The following PTGIS variants were observed in gnomAD, a reference collection of about 807,000 sequenced individuals.
PTGIS encodes the protein prostaglandin I2 synthase.
In PTGIS, 45 loss-of-function variants were observed where a neutral mutation model predicts 50.3. The ratio of observed to expected loss-of-function variants is 0.90; its 90% CI spans 0.70 to 1.15. The LOEUF is 1.15. PTGIS is among the 50% of genes most tolerant of loss of function. PTGIS has a pLI of 0.00. For missense variants in PTGIS, 668 were observed against 661.3 expected (o/e 1.01, Z -0.11); for synonymous variants, 260 against 267.7 (o/e 0.97, Z 0.28).
chr20:49,566,677 C>T (rs1303707907), intron 1 of PTGIS, among the ~76,000 whole-genome samples: 4 of 152,204 alleles, frequency 2.6e-5, no homozygotes, highest in East Asian at 1.9e-4. Context: ...CTCTCTCTTA[C>T]GTGGCTCTGT....
chr20:49,510,419 T>A (rs187211969), intron 9 of PTGIS, among the ~76,000 whole-genome samples: 2 of 152,180 alleles, frequency 1.3e-5, no homozygotes, highest in African/African-American at 4.8e-5. Flanking sequence ...AAAGATCCAA[T>A]TCATTTATCC....
chr20:49,538,831 G>A (rs929531190), intron 5 of PTGIS, among the ~76,000 whole-genome samples: 8 of 152,018 alleles, frequency 5.3e-5, no homozygotes, highest in Middle Eastern at 3.4e-3. Flanking sequence ...GCAGGCACCC[G>A]CCACCATGCC....
rs1448291455 is a variant in PTGIS, at chr20:49,550,141, C to T, written c.123G>A (p.Gly41=). ...PLDLGSIPWL[G]YALDFGKDAA... Reference sequence around the variant, plus strand: ...CATCTTTTCCAAAGTCCAAGGCATACCCCAACCAGGGGATGCTGCCCAGGT... The same window carrying T: ...CATCTTTTCCAAAGTCCAAGGCATATCCCAACCAGGGGATGCTGCCCAGGT... Residue 41 remains glycine, a synonymous_variant, in exon 2 of 10, where the codon GGG becomes GGA. Coordinates refer to ENST00000244043, the MANE Select transcript of PTGIS (RefSeq NM_000961.4). 1.2e-6 allele frequency: 2 copies of T among 1,614,096 alleles called. No individual in the cohort carries two copies. The highest frequency in any genetic ancestry group is 1.7e-4 in the Middle Eastern group (1 of 6,004).
At chr20:49,541,907 G>C (rs11086288) in intron 4 of PTGIS, among the ~76,000 whole-genome samples, 5,997 of 152,188 alleles carry the variant, frequency 0.039, 368 homozygotes, top group African/African-American at 0.13. Context: ...GGCGGCGCTA[G>C]AGCCACAAAG....
At chr20:49,510,404 C>A (rs1981281758) in intron 9 of PTGIS, among the ~76,000 whole-genome samples, 1 of 152,110 alleles carries the variant, frequency 6.6e-6, no homozygotes, top group Non-Finnish European at 1.5e-5. Context: ...GGGTTAAGAA[C>A]TTAGAAAGAT....
intron 1 of PTGIS, among the ~76,000 whole-genome samples, chr20:49,563,505 T>C (rs1982826247): frequency 6.6e-6 from 1 of 152,232 alleles, no homozygotes. Flanking sequence ...TAGGGAGTAG[T>C]GGGGACTGTG....
Position 49,540,468 on chromosome 20 carries a change from T to C in PTGIS, c.522-747A>G, listed in dbSNP as rs1051366808. ...TGGTGCAGGCACTGGAGCCGGGGTGTGAGGCAGAGGATGGGAGGGCCTGGG... is the reference window on the plus strand; with the variant it reads ...TGGTGCAGGCACTGGAGCCGGGGTGCGAGGCAGAGGATGGGAGGGCCTGGG... On this transcript the variant is annotated intron_variant, in intron 4 of 9. Transcript: ENST00000244043. The surrounding 1 kb of genome is among the most constrained non-coding windows in gnomAD (Gnocchi z 4.8). Among the ~76,000 whole-genome samples the C allele has an allele frequency of 6.6e-6, 1 of 151,764 alleles. No homozygotes were observed. The highest frequency in any genetic ancestry group is 1.5e-5 in the Non-Finnish European group (1 of 67,914).
Position 49,540,746 on chromosome 20 carries a change from C to T in PTGIS, c.522-1025G>A, listed in dbSNP as rs1472902924. ...GCCCCCTTTAAATGCCCCAGGAGTCCAGCCCCAGCCCAGCGGGCTGACCTC... is the reference window on the plus strand; with the variant it reads ...GCCCCCTTTAAATGCCCCAGGAGTCTAGCCCCAGCCCAGCGGGCTGACCTC... On this transcript the variant is annotated intron_variant, in intron 4 of 9. Coordinates refer to ENST00000244043, the MANE Select transcript of PTGIS (RefSeq NM_000961.4). The surrounding 1 kb of genome is among the most constrained non-coding windows in gnomAD (Gnocchi z 4.8). Among the ~76,000 whole-genome samples the T allele has an allele frequency of 6.6e-6, 1 of 152,182 alleles. No homozygotes were observed. Among genetic ancestry groups the T allele is most frequent in the Non-Finnish European group, 1.5e-5 (1 of 68,020 alleles).
chr20:49,549,793 G>A (rs984357772), intron 2 of PTGIS, among the ~76,000 whole-genome samples: 1 of 152,154 alleles, frequency 6.6e-6, no homozygotes, highest in South Asian at 2.1e-4. Context: ...GAGGTCAGCT[G>A]CATGGATATA....
At chr20:49,549,415 G>A (rs1225545588) in intron 2 of PTGIS, among the ~76,000 whole-genome samples, 1 of 152,170 alleles carries the variant, frequency 6.6e-6, no homozygotes, top group East Asian at 1.9e-4. Context: ...AAAAAGTTTA[G>A]TACCAACACA....
intron 1 of PTGIS, among the ~76,000 whole-genome samples, chr20:49,550,737 A>G (rs1982485935): frequency 6.6e-6 from 1 of 152,168 alleles, no homozygotes. Flanking sequence ...ACAATTTGAG[A>G]GCTAAGTTTT....
intron 6 of PTGIS, among the ~76,000 whole-genome samples, chr20:49,517,758 G>C (rs1981525990): frequency 6.6e-6 from 1 of 152,200 alleles, no homozygotes; most frequent in Non-Finnish European, 1.5e-5. Flanking sequence ...CCCATCAGTG[G>C]AAGTGGGGGA....
intron 1 of PTGIS, among the ~76,000 whole-genome samples, chr20:49,564,897 C>T (rs1982857007): frequency 1.3e-5 from 2 of 151,576 alleles, no homozygotes; most frequent in South Asian, 4.2e-4. Flanking sequence ...AGCTGGAGAG[C>T]CTTGCTTATT....
At chr20:49,531,049 G>A (rs1205408904) in intron 5 of PTGIS, among the ~76,000 whole-genome samples, 2 of 152,020 alleles carry the variant, frequency 1.3e-5, no homozygotes, top group Admixed American at 6.6e-5. Flanking sequence ...GTGAGCCACC[G>A]CTCCCAGATG....
Position 49,514,154 on chromosome 20 carries a change from A to C in PTGIS, c.1024+73T>G, listed in dbSNP as rs45523437. ...GATGGACCCTGGAAGACAGGAGTCCATGTTGGGGAGGGCTTTGGGGGTCCA... is the reference window on the plus strand; with the variant it reads ...GATGGACCCTGGAAGACAGGAGTCCCTGTTGGGGAGGGCTTTGGGGGTCCA... On this transcript the variant is annotated intron_variant, in intron 7 of 9. Coordinates refer to ENST00000244043, the MANE Select transcript of PTGIS (RefSeq NM_000961.4). 5.4e-3 allele frequency: 8,568 copies of C among 1,574,296 alleles called. 34 individuals are homozygous for C. The highest frequency in any genetic ancestry group is 6.6e-3 in the Non-Finnish European group (7,579 of 1,154,046).
intron 1 of PTGIS, among the ~76,000 whole-genome samples, chr20:49,558,476 G>A (rs969720916): frequency 5.9e-5 from 9 of 152,172 alleles, no homozygotes; most frequent in East Asian, 1.9e-4. Flanking sequence ...ATGTAAAATC[G>A]TGCAGCTGCT....
At chr20:49,542,823 A>G (rs925189782) in intron 4 of PTGIS, among the ~76,000 whole-genome samples, 4 of 151,972 alleles carry the variant, frequency 2.6e-5, no homozygotes, top group Admixed American at 2.6e-4. Flanking sequence ...CCCTGTCCTG[A>G]CCCCAACACA....
chr20:49,550,494 T>C (rs1244928506), intron 1 of PTGIS, among the ~76,000 whole-genome samples: 3 of 152,208 alleles, frequency 2.0e-5, no homozygotes, highest in African/African-American at 7.2e-5. Context: ...GCATTGTCCT[T>C]AACCTTGGTA....
intron 2 of PTGIS, among the ~76,000 whole-genome samples, chr20:49,548,560 A>G (rs1982425195): frequency 6.6e-6 from 1 of 151,966 alleles, no homozygotes; most frequent in African/African-American, 2.4e-5. Flanking sequence ...GGATGGATGG[A>G]TGAAAGAATG....
Sources: allele counts gnomAD v4.1 joint callset (sites outside exome capture counted in the v4.1 genomes callset), GRCh38; gene constraint gnomAD v4.1.1; non-coding constraint Gnocchi (gnomAD v3.1); transcripts MANE v1.5; gene names NCBI Gene and HGNC (gene_info 2026-07-23, HGNC 2026-07-21).